PIEZO2: variants seen among roughly 807,000 people sequenced by gnomAD.
The protein encoded by PIEZO2 is piezo type mechanosensitive ion channel component 2.
A neutral mutation model predicts 337.3 loss-of-function variants in PIEZO2; 172 were observed. The observed-to-expected ratio is 0.51, with a 90% CI of 0.45 to 0.58. PIEZO2 has a LOEUF of 0.58. Ranked by LOEUF, PIEZO2 falls within the 20% of genes least tolerant of loss-of-function variation. PIEZO2 has a pLI of 0.00. For synonymous variants in PIEZO2, 1,251 were observed against 1,228.5 expected, an observed-to-expected ratio of 1.02 and a Z score of -0.38; for missense variants, 3,028 against 3,391.3, an observed-to-expected ratio of 0.89 and a Z score of 2.66.
At position 11,148,166 on chromosome 18, in the gene PIEZO2, G is replaced by A. The variant is rs2146312451; in HGVS notation, c.64+359C>T. On this transcript the variant is annotated intron_variant, in intron 1 of 55. Coordinates refer to ENST00000674853, the MANE Select transcript of PIEZO2 (RefSeq NM_001378183.1). The surrounding 1 kb of genome is among the most constrained non-coding windows in gnomAD (Gnocchi z 5.2). The stretch of plus-strand genomic sequence containing the variant: ...CAGGGTCACTGGGGCGAGGGGCTCA[G>A]GTAGGAGCCTGACTGTACCTACGAT... 6.6e-6 allele frequency among the ~76,000 whole-genome samples: 1 copy of A among 152,304 alleles called. No homozygotes were observed. Among genetic ancestry groups the A allele is most frequent in the East Asian group, 1.9e-4 (1 of 5,166 alleles).
In PIEZO2 at chr18:10,878,529, A is replaced by G. The variant is rs561802775; in HGVS notation, c.330-7114T>C. ...ATTGGAAGCTATAACTCATTAAAAC[A>G]TATGTTCATAGTTATTAAATAAATG... On this transcript the variant is annotated intron_variant, in intron 4 of 55. Coordinates refer to ENST00000674853, the MANE Select transcript of PIEZO2 (RefSeq NM_001378183.1). This position sits in a 1 kb window ranked among gnomAD's most constrained non-coding sequence, Gnocchi z 4.3. 4.6e-5 allele frequency among the ~76,000 whole-genome samples: 7 copies of G among 152,366 alleles called. No individual in the cohort carries two copies. Among genetic ancestry groups the G allele is most frequent in the Non-Finnish European group, 4.4e-5 (3 of 68,032 alleles).
At chr18:11,007,598 G>A (rs1489658134) in intron 2 of PIEZO2, among the ~76,000 whole-genome samples, 1 of 152,126 alleles carries the variant, frequency 6.6e-6, no homozygotes, top group Non-Finnish European at 1.5e-5. Context: ...TTAAGATGGA[G>A]AGAAAATTTT....
At chr18:10,864,951 GC>G (rs1164403872) in intron 5 of PIEZO2, among the ~76,000 whole-genome samples, 1 of 152,208 alleles carries the variant, frequency 6.6e-6, no homozygotes, top group African/African-American at 2.4e-5. Flanking sequence ...ACATAGCAGA[GC>G]CCCGGAAAGA....
chr18:10,721,813 T>C (rs568085393), intron 36 of PIEZO2, among the ~76,000 whole-genome samples: 1 of 152,242 alleles, frequency 6.6e-6, no homozygotes, highest in South Asian at 2.1e-4. Flanking sequence ...AACGTAATTG[T>C]CTATCCATCT....
intron 3 of PIEZO2, among the ~76,000 whole-genome samples, chr18:10,921,128 G>C (rs2031367034): frequency 6.6e-6 from 1 of 152,188 alleles, no homozygotes. Context: ...ATAGAGGCCA[G>C]CTTTGATTAC....
intron 3 of PIEZO2, among the ~76,000 whole-genome samples, chr18:10,912,315 T>G (rs1254958477): frequency 6.6e-6 from 1 of 152,198 alleles, no homozygotes; most frequent in African/African-American, 2.4e-5. Context: ...AAGTAAGGAT[T>G]TGTGCTAACC....
At chr18:10,782,434 TATATA>T (rs1195415841) in intron 17 of PIEZO2, among the ~76,000 whole-genome samples, 2 of 45,418 alleles carry the variant, frequency 4.4e-5, no homozygotes, top group African/African-American at 5.9e-5. Context: ...TATAAATAAT[TATATA>T]ATATATTATA....
chr18:10,763,194 G>A (rs1374573151), intron 21 of PIEZO2, 96 bp from the exon 22 acceptor site: 27 of 1,312,842 alleles, frequency 2.1e-5, no homozygotes, highest in Non-Finnish European at 2.8e-5. Flanking sequence ...TACTCAGTTC[G>A]GCAAAAGCAG....
intron 2 of PIEZO2, among the ~76,000 whole-genome samples, chr18:10,992,055 T>C (rs1257558343): frequency 6.6e-6 from 1 of 152,252 alleles, no homozygotes; most frequent in Non-Finnish European, 1.5e-5. Context: ...TTCATATCCT[T>C]TGCCCACTTT....
intron 2 of PIEZO2, among the ~76,000 whole-genome samples, chr18:11,063,030 A>T (rs1038919273): frequency 2.6e-5 from 4 of 152,146 alleles, no homozygotes; most frequent in African/African-American, 9.7e-5. Flanking sequence ...ACAATGATAG[A>T]CTGGATTAAG....
chr18:11,133,434 TG>T (rs1469928746), intron 1 of PIEZO2, among the ~76,000 whole-genome samples: 1 of 152,134 alleles, frequency 6.6e-6, no homozygotes, highest in Non-Finnish European at 1.5e-5. Context: ...TCAACTTGAT[TG>T]GATTGAAGGA....
In PIEZO2 at chr18:10,943,906, A is replaced by T. The variant is rs1482262615; in HGVS notation, c.287-32678T>A. On this transcript the variant is annotated intron_variant, in intron 3 of 55. Transcript: ENST00000674853. This position sits in a 1 kb window ranked among gnomAD's most constrained non-coding sequence, Gnocchi z 4.5. ...GGGTCTCACGAGATCTGATGGCTTTAAAAATGGGAGTTTCTCTGAACAAGC... is the reference window on the plus strand; with the variant it reads ...GGGTCTCACGAGATCTGATGGCTTTTAAAATGGGAGTTTCTCTGAACAAGC... Among the ~76,000 whole-genome samples the T allele has an allele frequency of 6.6e-6, 1 of 152,142 alleles. No homozygotes were observed. Among genetic ancestry groups the T allele is most frequent in the Non-Finnish European group, 1.5e-5 (1 of 68,036 alleles).
chr18:10,992,968 G>T (rs2035165510), intron 2 of PIEZO2, among the ~76,000 whole-genome samples: 1 of 152,072 alleles, frequency 6.6e-6, no homozygotes, highest in Non-Finnish European at 1.5e-5. Context: ...GTATTCCTAG[G>T]TATTTTATTC....
At chr18:10,762,790 G>T (rs908456522) in intron 22 of PIEZO2, 132 bp downstream of exon 22, 64 of 1,326,744 alleles carry the variant, frequency 4.8e-5, no homozygotes, top group Non-Finnish European at 6.2e-5. Flanking sequence ...CAGGCCCAGA[G>T]CACGACCAGC....
intron 8 of PIEZO2, among the ~76,000 whole-genome samples, chr18:10,805,607 G>A (rs1320688906): frequency 6.6e-6 from 1 of 152,190 alleles, no homozygotes; most frequent in Non-Finnish European, 1.5e-5. Flanking sequence ...GGAGGAATTG[G>A]ACACAATTTT....
rs928889350 is a variant in PIEZO2, at chr18:10,929,618, A to G, written c.287-18390T>C. Among the ~76,000 whole-genome samples, 1 of 152,234 alleles carries G rather than the reference A, an allele frequency of 6.6e-6. No individual in the cohort carries two copies. Among genetic ancestry groups the G allele is most frequent in the Middle Eastern group, 3.4e-3 (1 of 294 alleles). ...CTGTGAGAGGAAAATGCCTCTACCA[A>G]CCTCTCGGGTCTCAGGACAGATCCC... On this transcript the variant is annotated intron_variant, in intron 3 of 55. Coordinates refer to ENST00000674853, the MANE Select transcript of PIEZO2 (RefSeq NM_001378183.1). The surrounding 1 kb of genome is among the most constrained non-coding windows in gnomAD (Gnocchi z 5.6).
rs192895982 is a variant in PIEZO2 at position 10,757,872 on chromosome 18, A to G, written c.3923+97T>C. 16 of 1,251,438 alleles carry G rather than the reference A, an allele frequency of 1.3e-5. No homozygotes were observed. The East Asian group carries it at 3.6e-4, about 28-fold the overall frequency. The allele number at this position is 1,251,438 out of a possible 1,614,324, so 77.5% of individuals were successfully genotyped here. A position where few individuals can be genotyped will look rare whatever the true frequency, so the allele number is the denominator to read the frequency against. On this transcript the variant is annotated intron_variant, in intron 27 of 55. Transcript: ENST00000674853. ...AACTTCAGTGTATACAATTCAGCAG[A>G]TCTGTTTCCCAAGTATAGCAGAGAA...
rs1555648360 is a variant in PIEZO2, at chr18:10,795,314, A to ATATTT, written c.1528-317_1528-313dup. Among the ~76,000 whole-genome samples, 584 of 88,472 alleles carry ATATTT rather than the reference A, an allele frequency of 6.6e-3. 21 individuals are homozygous for ATATTT. Among genetic ancestry groups the ATATTT allele is most frequent in the East Asian group, 0.042 (138 of 3,320 alleles). 58.0% of individuals were successfully genotyped at this position (88,472 alleles called of 152,430 possible). A position where few individuals can be genotyped will look rare whatever the true frequency, so the allele number is the denominator to read the frequency against. On this transcript the variant is annotated intron_variant, in intron 12 of 55. Coordinates refer to ENST00000674853, the MANE Select transcript of PIEZO2 (RefSeq NM_001378183.1). This position sits in a 1 kb window ranked among gnomAD's most constrained non-coding sequence, Gnocchi z 4.4. ...GTTAAGTAGCAAAATGTGTATTCAA[A>ATATTT]TATTTTATTTTATTTTATTTTATTT... is the stretch of plus-strand genomic sequence containing the variant.
rs563042653 is a variant in PIEZO2 at position 11,047,817 on chromosome 18, C to T, written c.160+18310G>A. On this transcript the variant is annotated intron_variant, in intron 2 of 55. Transcript: ENST00000674853. The surrounding 1 kb of genome is among the most constrained non-coding windows in gnomAD (Gnocchi z 7.2). ...AGATGCTATTAGACCCCAGGGAATG[C>T]GAATATAATGATGATGACATTGATG... Among the ~76,000 whole-genome samples the T allele has an allele frequency of 6.6e-5, 10 of 152,170 alleles. No individual in the cohort carries two copies. The highest frequency in any genetic ancestry group is 1.9e-4 in the East Asian group (1 of 5,174).
Sources: allele counts gnomAD v4.1 joint callset (sites outside exome capture counted in the v4.1 genomes callset), GRCh38; gene constraint gnomAD v4.1.1; non-coding constraint Gnocchi (gnomAD v3.1); transcripts MANE v1.5; gene names NCBI Gene and HGNC (gene_info 2026-07-23, HGNC 2026-07-21).